Variants in PDE6D observed in about 807,000 individuals in gnomAD.
PDE6D encodes phosphodiesterase 6D.
In PDE6D, 10 loss-of-function variants were observed where a neutral mutation model predicts 21.9. The ratio of observed to expected loss-of-function variants is 0.46; its 90% CI spans 0.28 to 0.78. The LOEUF (loss-of-function observed/expected upper bound fraction) is 0.78, where lower values mean the gene tolerates loss of function less well. PDE6D is among the 30% of genes least tolerant of loss of function. The pLI is 0.12. For synonymous variants in PDE6D, 59 were observed against 63.5 expected, an observed-to-expected ratio of 0.93 and a Z score of 0.34; for missense variants, 139 against 184.8, an observed-to-expected ratio of 0.75 and a Z score of 1.44.
chr2:231,780,966 G>T, intron 1 of PDE6D, 99 bp downstream of exon 1: 1 of 1,097,108 alleles, frequency 9.1e-7, no homozygotes, highest in Non-Finnish European at 1.4e-6. Flanking sequence ...CCCTTCTTCT[G>T]TGGGGCCCAC....
chr2:231,775,557 A>G (rs1371503417), intron 1 of PDE6D, among the ~76,000 whole-genome samples: 1 of 148,886 alleles, frequency 6.7e-6, no homozygotes, highest in Non-Finnish European at 1.5e-5. Flanking sequence ...TTCTAGGCTC[A>G]AGCAATCCAC....
At chr2:231,751,631 T>G (rs953005842) in intron 1 of PDE6D, among the ~76,000 whole-genome samples, 1 of 152,242 alleles carries the variant, frequency 6.6e-6, no homozygotes, top group African/African-American at 2.4e-5. Context: ...TTGACAGTTT[T>G]GAGGAGAACT....
intron 1 of PDE6D, among the ~76,000 whole-genome samples, chr2:231,776,679 C>T (rs2049060428): frequency 1.3e-5 from 2 of 152,180 alleles, no homozygotes; most frequent in Admixed American, 1.3e-4. Context: ...TTGTATCCTT[C>T]AAGTGTAGAG....
intron 1 of PDE6D, among the ~76,000 whole-genome samples, chr2:231,747,037 GA>G (rs1255633927): frequency 6.6e-6 from 1 of 152,210 alleles, no homozygotes; most frequent in African/African-American, 2.4e-5. Context: ...AAGCTCCTCT[GA>G]AAATGTTAAT....
At chr2:231,768,225 A>C (rs1348612279) in intron 1 of PDE6D, among the ~76,000 whole-genome samples, 1 of 152,156 alleles carries the variant, frequency 6.6e-6, no homozygotes, top group Non-Finnish European at 1.5e-5. Context: ...ATCATTAATG[A>C]ATAAAATTTC....
At position 231,777,899 on chromosome 2, in the gene PDE6D, G is replaced by C. The variant is rs975196477; in HGVS notation, c.50+3166C>G. ...ACATTGAAAAGAGAAGAAAAGATAG[G>C]ATATTTAGTTAATCTTGGGATAAGA... On this transcript the variant is annotated intron_variant, in intron 1 of 4. Coordinates refer to ENST00000287600, the MANE Select transcript of PDE6D (RefSeq NM_002601.4). Among the ~76,000 whole-genome samples the C allele has an allele frequency of 2.6e-5, 4 of 152,172 alleles. 1 individual carries two copies. In the South Asian group the frequency reaches 8.3e-4, roughly 32 times the overall value.
intron 1 of PDE6D, among the ~76,000 whole-genome samples, chr2:231,754,087 G>C (rs1375883863): frequency 6.6e-6 from 1 of 152,194 alleles, no homozygotes; most frequent in Admixed American, 6.5e-5. Flanking sequence ...ATGACCATAG[G>C]ACCACATCAG....
At chr2:231,733,185 A>C (rs756964863) in intron 4 of PDE6D, 152 bp from the exon 5 acceptor site, 2 of 627,454 alleles carry the variant, frequency 3.2e-6, no homozygotes, top group Non-Finnish European at 2.9e-6. Flanking sequence ...ATCCTTGTCT[A>C]TATGGGGCTA....
At chr2:231,761,511 C>T (rs941213037) in intron 1 of PDE6D, among the ~76,000 whole-genome samples, 1 of 152,192 alleles carries the variant, frequency 6.6e-6, no homozygotes, top group African/African-American at 2.4e-5. Context: ...GGTTCATTAT[C>T]AATGCAGACA....
intron 1 of PDE6D, among the ~76,000 whole-genome samples, chr2:231,772,411 T>C (rs1424652650): frequency 6.6e-6 from 1 of 152,232 alleles, no homozygotes; most frequent in Non-Finnish European, 1.5e-5. Context: ...GTAAGAAATA[T>C]ATTTGCTTTT....
At chr2:231,752,584 G>C (rs1307692190) in intron 1 of PDE6D, among the ~76,000 whole-genome samples, 1 of 151,926 alleles carries the variant, frequency 6.6e-6, no homozygotes, top group Admixed American at 6.6e-5. Context: ...TCTTCAAAAA[G>C]GAAAACACAA....
chr2:231,754,288 G>A (rs748922967), intron 1 of PDE6D, among the ~76,000 whole-genome samples: 1 of 151,768 alleles, frequency 6.6e-6, no homozygotes, highest in Non-Finnish European at 1.5e-5. Context: ...CACCCCAAGA[G>A]AATCTCTCTA....
intron 1 of PDE6D, among the ~76,000 whole-genome samples, chr2:231,762,666 T>C (rs757862187): frequency 6.6e-6 from 1 of 152,044 alleles, no homozygotes; most frequent in South Asian, 2.1e-4. Flanking sequence ...TTTTAAGAAC[T>C]GAAGACTTGT....
At chr2:231,736,361 T>C (rs2048702904) in intron 4 of PDE6D, among the ~76,000 whole-genome samples, 1 of 152,116 alleles carries the variant, frequency 6.6e-6, no homozygotes, top group African/African-American at 2.4e-5. Flanking sequence ...CTACCCAGGC[T>C]GGAATGCAGT....
At chr2:231,752,083 A>C (rs1159390176) in intron 1 of PDE6D, among the ~76,000 whole-genome samples, 1 of 152,190 alleles carries the variant, frequency 6.6e-6, no homozygotes, top group African/African-American at 2.4e-5. Flanking sequence ...TCTGATACCT[A>C]AATTTTTATC....
intron 1 of PDE6D, among the ~76,000 whole-genome samples, chr2:231,765,241 T>TCA (rs1225579081): frequency 6.6e-6 from 1 of 151,806 alleles, no homozygotes; most frequent in East Asian, 1.9e-4. Context: ...CCACTGCACT[T>TCA]CAGCCTGGGT....
intron 1 of PDE6D, among the ~76,000 whole-genome samples, chr2:231,764,412 T>C (rs946583013): frequency 2.0e-5 from 3 of 152,180 alleles, no homozygotes; most frequent in African/African-American, 7.2e-5. Flanking sequence ...TCATACACAT[T>C]TCTGAGGAAC....
chr2:231,781,228 C>G lies in PDE6D; in HGVS notation c.-114G>C, dbSNP rs576288613. 11 of 974,418 alleles carry G rather than the reference C, an allele frequency of 1.1e-5. No individual in the cohort carries two copies. The highest frequency in any genetic ancestry group is 1.8e-5 in the Non-Finnish European group (11 of 625,150). 60.4% of individuals were successfully genotyped at this position (974,418 alleles called of 1,614,324 possible). On this transcript the variant is annotated 5_prime_UTR_variant, in exon 1 of 5. Coordinates refer to ENST00000287600, the MANE Select transcript of PDE6D (RefSeq NM_002601.4). ...CGGCTTGGAGACCTCGGGCTAGCAG[C>G]CGCAGCGGCCAGACCAGGACCGGCC...
intron 1 of PDE6D, among the ~76,000 whole-genome samples, chr2:231,747,661 A>C (rs2048805167): frequency 6.6e-6 from 1 of 152,198 alleles, no homozygotes; most frequent in Non-Finnish European, 1.5e-5. Context: ...TTTCCTCTGC[A>C]CTTAAAAAAA....
Sources: gnomAD v4.1 joint callset for allele counts (sites outside exome capture counted in the v4.1 genomes callset) on GRCh38, gnomAD v4.1.1 for gene constraint, MANE v1.5 for transcripts, NCBI Gene and HGNC (gene_info 2026-07-23, HGNC 2026-07-21) for gene names.